The following THSD4 variants were observed in gnomAD, a reference collection of about 807,000 sequenced individuals.
THSD4 encodes thrombospondin type 1 domain containing 4, also known as thrombospondin type-1 domain-containing protein 4.
In THSD4, 69 loss-of-function variants were observed where a neutral mutation model predicts 119.0. The ratio of observed to expected loss-of-function variants is 0.58; its 90% CI spans 0.48 to 0.71. The LOEUF (loss-of-function observed/expected upper bound fraction) is 0.71. Among genes scored for constraint, THSD4 ranks in the 30% least tolerant of loss-of-function variants. THSD4 has a pLI of 0.00. For missense variants in THSD4, 1,393 were observed against 1,391.1 expected (o/e 1.00, Z -0.02); for synonymous variants, 524 against 540.4 (o/e 0.97, Z 0.42).
Position 71,215,021 on chromosome 15 carries a change from C to T in THSD4, c.100-14C>T, listed in dbSNP as rs1387084626. 4 of 1,256,148 alleles carry T rather than the reference C, an allele frequency of 3.2e-6. No homozygotes were observed. Among genetic ancestry groups the T allele is most frequent in the Non-Finnish European group, 4.0e-6 (4 of 994,096 alleles). 77.8% of individuals were successfully genotyped at this position (1,256,148 alleles called of 1,614,324 possible). Reference sequence around the variant, plus strand: ...GCGGTGTTCTGGTCCCCTAACCTGCCTCTGTCTCCGCAGGTCCCGCAGCGG... The same window carrying T: ...GCGGTGTTCTGGTCCCCTAACCTGCTTCTGTCTCCGCAGGTCCCGCAGCGG... On this transcript the variant is annotated splice_polypyrimidine_tract_variant and intron_variant, in intron 3 of 17. Transcript: ENST00000261862.
At chr15:71,098,492 G>A (rs1264450942) in intron 1 of THSD4, among the ~76,000 whole-genome samples, 1 of 152,038 alleles carries the variant, frequency 6.6e-6, no homozygotes, top group Non-Finnish European at 1.5e-5. Context: ...TTAAATTGCT[G>A]GGCTCAAGCG....
At chr15:71,762,489 AAC>A (rs1164368006) in intron 15 of THSD4, among the ~76,000 whole-genome samples, 4 of 152,218 alleles carry the variant, frequency 2.6e-5, no homozygotes, top group African/African-American at 9.6e-5. Context: ...GGGAAAGTGC[AAC>A]GTCTTAGCCA....
chr15:71,318,884 G>A (rs998066537), intron 6 of THSD4, among the ~76,000 whole-genome samples: 2 of 152,180 alleles, frequency 1.3e-5, no homozygotes, highest in Non-Finnish European at 2.9e-5. Context: ...GCTGAGAGCG[G>A]GAGCCCTGGC....
chr15:71,693,531 C>T (rs961786879), intron 8 of THSD4, among the ~76,000 whole-genome samples: 1 of 152,156 alleles, frequency 6.6e-6, no homozygotes, highest in African/African-American at 2.4e-5. Context: ...CCGGTAGTCC[C>T]AGCTACTTGG....
chr15:71,724,201 GAGA>G (rs1271997845), intron 8 of THSD4, among the ~76,000 whole-genome samples: 1 of 147,240 alleles, frequency 6.8e-6, no homozygotes, highest in Non-Finnish European at 1.5e-5. Flanking sequence ...AGAGCACAGA[GAGA>G]AGAACAGTGA....
chr15:71,342,179 C>T (rs1297042527), intron 6 of THSD4: 1 of 186,838 alleles, frequency 5.4e-6, no homozygotes, highest in Non-Finnish European at 1.1e-5. Context: ...TTAATAACAT[C>T]TACTAAATCC....
At chr15:71,112,604 T>G (rs1480222837), upstream of THSD4, among the ~76,000 whole-genome samples, 4 of 152,200 alleles carry the variant, frequency 2.6e-5, no homozygotes, top group African/African-American at 9.6e-5. Flanking sequence ...TCCAAGATGC[T>G]GTGTATAGCT....
chr15:71,142,140 G>A (rs2040610752), intron 2 of THSD4, among the ~76,000 whole-genome samples: 1 of 152,194 alleles, frequency 6.6e-6, no homozygotes, highest in Admixed American at 6.5e-5. Flanking sequence ...ACTGAATCTG[G>A]TATTTTAAAA....
chr15:71,149,249 C>T (rs1386614318), intron 2 of THSD4, among the ~76,000 whole-genome samples: 1 of 151,550 alleles, frequency 6.6e-6, no homozygotes, highest in African/African-American at 2.4e-5. Context: ...GCTTAGCAAA[C>T]ATTTTTGTTT....
At chr15:71,353,901 TAC>T (rs2045775920) in intron 6 of THSD4, among the ~76,000 whole-genome samples, 1 of 152,198 alleles carries the variant, frequency 6.6e-6, no homozygotes, top group African/African-American at 2.4e-5. Flanking sequence ...ATAAGGTTAT[TAC>T]ACGTATGAGT....
chr15:71,231,875 A>T (rs1352532847), intron 4 of THSD4, among the ~76,000 whole-genome samples: 2 of 152,198 alleles, frequency 1.3e-5, no homozygotes, highest in Non-Finnish European at 2.9e-5. Context: ...CAGGAATTTC[A>T]GTCTTAGAAC....
intron 3 of THSD4, among the ~76,000 whole-genome samples, chr15:71,189,692 C>A (rs7495587): frequency 6.6e-6 from 1 of 151,830 alleles, no homozygotes; most frequent in Non-Finnish European, 1.5e-5. Flanking sequence ...ATACATGTTT[C>A]TGGGCTCTGT....
At chr15:71,467,470 A>G (rs1378392644) in intron 7 of THSD4, among the ~76,000 whole-genome samples, 1 of 152,184 alleles carries the variant, frequency 6.6e-6, no homozygotes, top group Non-Finnish European at 1.5e-5. Context: ...AGTGCAATCT[A>G]ATGGTGATAA....
intron 7 of THSD4, among the ~76,000 whole-genome samples, chr15:71,444,573 C>A (rs541977497): frequency 6.6e-6 from 1 of 152,242 alleles, no homozygotes; most frequent in Non-Finnish European, 1.5e-5. Flanking sequence ...CAGCACCTCA[C>A]GCTGCACGTG....
chr15:71,468,494 T>C (rs2140633951), intron 7 of THSD4, among the ~76,000 whole-genome samples: 1 of 152,354 alleles, frequency 6.6e-6, no homozygotes, highest in South Asian at 2.1e-4. Flanking sequence ...TAACAAGCAA[T>C]TGGCAATAGG....
intron 6 of THSD4, among the ~76,000 whole-genome samples, chr15:71,392,490 T>C (rs2046390915): frequency 6.6e-6 from 1 of 152,236 alleles, no homozygotes; most frequent in Non-Finnish European, 1.5e-5. Flanking sequence ...GTAAGGACTA[T>C]GCAGAGATCA....
chr15:71,573,372 T>A (rs918483224), intron 7 of THSD4, among the ~76,000 whole-genome samples: 3 of 152,120 alleles, frequency 2.0e-5, no homozygotes, highest in Non-Finnish European at 2.9e-5. Flanking sequence ...GGGTGAAAAT[T>A]TTTAATCTGA....
intron 7 of THSD4, among the ~76,000 whole-genome samples, chr15:71,586,002 T>TA (rs1414764254): frequency 2.6e-5 from 4 of 152,234 alleles, no homozygotes; most frequent in Admixed American, 2.6e-4. Context: ...TTTAGTTATC[T>TA]AATTCTTTTG....
chr15:71,465,745 C>G (rs1325114018), intron 7 of THSD4, among the ~76,000 whole-genome samples: 5 of 152,170 alleles, frequency 3.3e-5, no homozygotes, highest in Admixed American at 2.0e-4. Context: ...TTGTTGCTCT[C>G]TCATTTGTAA....
Sources: allele counts gnomAD v4.1 joint callset (sites outside exome capture counted in the v4.1 genomes callset), GRCh38; gene constraint gnomAD v4.1.1; transcripts MANE v1.5; gene names NCBI Gene and HGNC (gene_info 2026-07-23, HGNC 2026-07-21).